The following L3MBTL4 variants were observed in gnomAD, a reference collection of about 807,000 sequenced individuals.
The protein encoded by L3MBTL4 is L3MBTL histone methyl-lysine binding protein 4.
L3MBTL4 carries 70 observed loss-of-function variants against 84.5 expected under a neutral mutation model. The observed-to-expected ratio is 0.83, with a 90% CI of 0.68 to 1.01. The LOEUF is 1.01. Ranked by LOEUF, L3MBTL4 falls within the 50% of genes least tolerant of loss-of-function variation. The pLI is 0.00. For missense variants in L3MBTL4, 715 were observed against 754.8 expected, an observed-to-expected ratio of 0.95 and a Z score of 0.62; for synonymous variants, 274 against 259.8, an observed-to-expected ratio of 1.05 and a Z score of -0.52.
chr18:6,032,047 A>G, intron 16 of L3MBTL4: 1 of 196,594 alleles, frequency 5.1e-6, no homozygotes, highest in Non-Finnish European at 9.4e-6. Flanking sequence ...GTGCAATCTC[A>G]GGTCAGTGTA....
intron 16 of L3MBTL4, among the ~76,000 whole-genome samples, chr18:6,050,056 A>G (rs912452805): frequency 1.1e-4 from 16 of 152,216 alleles, no homozygotes; most frequent in African/African-American, 3.6e-4. Flanking sequence ...GGCAGTAAAT[A>G]CAGGATACTG....
At chr18:6,133,798 G>A (rs1035348663) in intron 14 of L3MBTL4, among the ~76,000 whole-genome samples, 1 of 152,148 alleles carries the variant, frequency 6.6e-6, no homozygotes, top group Non-Finnish European at 1.5e-5. Context: ...GGTACCAGCC[G>A]CTTCCTGATA....
chr18:6,324,878 T>A (rs901964490), intron 1 of L3MBTL4, among the ~76,000 whole-genome samples: 3 of 152,188 alleles, frequency 2.0e-5, no homozygotes, highest in Non-Finnish European at 2.9e-5. Context: ...GCTTTGAATA[T>A]GCACTTCACA....
chr18:6,372,848 A>T (rs945660829), intron 1 of L3MBTL4, among the ~76,000 whole-genome samples: 4 of 152,214 alleles, frequency 2.6e-5, no homozygotes, highest in Non-Finnish European at 4.4e-5. Context: ...TTCACTTAAA[A>T]CATGTTTTCC....
chr18:5,977,281 G>A (rs1165571580), intron 16 of L3MBTL4, among the ~76,000 whole-genome samples: 3 of 152,188 alleles, frequency 2.0e-5, no homozygotes, highest in Admixed American at 6.5e-5. Flanking sequence ...GCAGGCCTCC[G>A]TCTCCTCATG....
At chr18:5,996,073 T>C (rs2053949984) in intron 16 of L3MBTL4, among the ~76,000 whole-genome samples, 1 of 152,252 alleles carries the variant, frequency 6.6e-6, no homozygotes, top group Non-Finnish European at 1.5e-5. Flanking sequence ...ATATCGACTT[T>C]GGAAACAAAA....
chr18:6,274,809 A>T (rs2049013899), intron 4 of L3MBTL4, among the ~76,000 whole-genome samples: 1 of 152,184 alleles, frequency 6.6e-6, no homozygotes, highest in Non-Finnish European at 1.5e-5. Context: ...TCGATTTGAG[A>T]TAGCTCTCCC....
rs141095659 is a variant in L3MBTL4 at position 6,239,917 on chromosome 18, C to T, written c.553-45G>A. 2.5e-6 allele frequency: 4 copies of T among 1,607,528 alleles called. No individual in the cohort carries two copies. In the East Asian group the frequency reaches 8.9e-5, roughly 36 times the overall value. On this transcript the variant is annotated intron_variant, in intron 8 of 18. Coordinates refer to ENST00000317931, the MANE Select transcript of L3MBTL4 (RefSeq NM_001330559.2). Reference sequence around the variant, plus strand: ...GGAAGAAGCACAAAAAGAAACAGGACACCAAATAGGACTGAGCCACTGTCA... The same window carrying T: ...GGAAGAAGCACAAAAAGAAACAGGATACCAAATAGGACTGAGCCACTGTCA...
At chr18:6,251,239 T>C (rs1165281015) in intron 5 of L3MBTL4, among the ~76,000 whole-genome samples, 1 of 152,122 alleles carries the variant, frequency 6.6e-6, no homozygotes, top group East Asian at 1.9e-4. Flanking sequence ...AGCTCTGCCT[T>C]TGATGAAGCA....
At chr18:6,254,887 G>A (rs9965890) in intron 5 of L3MBTL4, among the ~76,000 whole-genome samples, 13,225 of 152,086 alleles carry the variant, frequency 0.087, 1,866 homozygotes, top group African/African-American at 0.3. Context: ...AGCACGTACC[G>A]GAGCAGATAA....
At chr18:6,268,544 G>C (rs2048733321) in intron 4 of L3MBTL4, among the ~76,000 whole-genome samples, 1 of 152,156 alleles carries the variant, frequency 6.6e-6, no homozygotes, top group Non-Finnish European at 1.5e-5. Flanking sequence ...CCAGCTATGA[G>C]ACAACACTGC....
At chr18:6,086,398 C>T (rs549829308) in intron 15 of L3MBTL4, among the ~76,000 whole-genome samples, 7 of 152,244 alleles carry the variant, frequency 4.6e-5, no homozygotes, top group Middle Eastern at 3.4e-3. Context: ...AAATTCTTTA[C>T]GAGAATCAGC....
At chr18:6,358,586 G>C (rs2053547079) in intron 1 of L3MBTL4, among the ~76,000 whole-genome samples, 1 of 152,208 alleles carries the variant, frequency 6.6e-6, no homozygotes, top group African/African-American at 2.4e-5. Context: ...GGATAAGAAA[G>C]TGACACCTGG....
At chr18:6,115,628 T>A (rs1356722590) in intron 14 of L3MBTL4, among the ~76,000 whole-genome samples, 1 of 152,148 alleles carries the variant, frequency 6.6e-6, no homozygotes, top group Non-Finnish European at 1.5e-5. Flanking sequence ...GAGGTGTCTA[T>A]CAGAAGCCGA....
intron 1 of L3MBTL4, among the ~76,000 whole-genome samples, chr18:6,343,678 A>G (rs990482592): frequency 1.3e-5 from 2 of 151,510 alleles, no homozygotes; most frequent in Non-Finnish European, 2.9e-5. Context: ...AAAAAAAAAA[A>G]GAAGTTGTAA....
chr18:6,013,485 TC>T (rs2145413274), intron 16 of L3MBTL4, among the ~76,000 whole-genome samples: 1 of 152,290 alleles, frequency 6.6e-6, no homozygotes, highest in Non-Finnish European at 1.5e-5. Flanking sequence ...TCCTTCCACT[TC>T]CAAGACACTC....
upstream of L3MBTL4, chr18:6,414,964 C>G (rs2056139315): frequency 6.6e-6 from 1 of 150,834 alleles, no homozygotes; most frequent in Admixed American, 6.6e-5. The surrounding 1 kb of genome is among the most constrained non-coding windows in gnomAD (Gnocchi z 5.4). Flanking sequence ...GGAGCCGCCC[C>G]CTGCCCGCCC....
chr18:6,165,823 T>A (rs375822580), intron 13 of L3MBTL4, among the ~76,000 whole-genome samples: 2 of 152,076 alleles, frequency 1.3e-5, no homozygotes, highest in Non-Finnish European at 2.9e-5. Flanking sequence ...CAAATTCACA[T>A]ATAACAATAT....
chr18:6,303,912 G>A (rs1325552871), intron 3 of L3MBTL4, among the ~76,000 whole-genome samples: 1 of 151,762 alleles, frequency 6.6e-6, no homozygotes. Context: ...TACTCAGGAG[G>A]CTGAGACAGG....
Sources: allele counts gnomAD v4.1 joint callset (sites outside exome capture counted in the v4.1 genomes callset), GRCh38; gene constraint gnomAD v4.1.1; non-coding constraint Gnocchi (gnomAD v3.1); transcripts MANE v1.5; gene names NCBI Gene and HGNC (gene_info 2026-07-23, HGNC 2026-07-21).